MYO1E: variants seen among roughly 807,000 people sequenced by gnomAD.
MYO1E encodes unconventional myosin-Ie.
MYO1E carries 68 observed loss-of-function variants against 151.1 expected under a neutral mutation model. The observed-to-expected ratio is 0.45, with a 90% CI of 0.37 to 0.55. The LOEUF (loss-of-function observed/expected upper bound fraction) is 0.55. Among genes scored for constraint, MYO1E ranks in the 20% least tolerant of loss-of-function variants. MYO1E has a pLI of 0.00. For synonymous variants in MYO1E, 601 were observed against 501.7 expected, an observed-to-expected ratio of 1.20 and a Z score of -2.64; for missense variants, 1,363 against 1,389.3, an observed-to-expected ratio of 0.98 and a Z score of 0.30.
intron 13 of MYO1E, 25 bp from the exon 14 acceptor site, chr15:59,208,873 C>T (rs757714692): frequency 2.5e-6 from 4 of 1,613,642 alleles, no homozygotes; most frequent in Non-Finnish European, 3.4e-6. Context: ...AAGGCAAGGC[C>T]CTAGTCACTG....
chr15:59,232,887 G>T (rs1268090859), intron 5 of MYO1E, among the ~76,000 whole-genome samples: 11 of 152,124 alleles, frequency 7.2e-5, no homozygotes, highest in Non-Finnish European at 1.5e-4. Flanking sequence ...ATTCAGAAGA[G>T]AAACTGCCAT....
intron 4 of MYO1E, among the ~76,000 whole-genome samples, chr15:59,242,365 G>A (rs1002361178): frequency 3.3e-5 from 5 of 152,172 alleles, no homozygotes; most frequent in Non-Finnish European, 5.9e-5. Context: ...AGTGACTGGT[G>A]TGGACGTGTC....
At chr15:59,273,161 C>T (rs957306617) in intron 1 of MYO1E, among the ~76,000 whole-genome samples, 1 of 152,216 alleles carries the variant, frequency 6.6e-6, no homozygotes. Flanking sequence ...GCCTCATCCC[C>T]GCATGGCCCC....
At chr15:59,282,446 C>A (rs1005824110) in intron 1 of MYO1E, among the ~76,000 whole-genome samples, 1 of 152,072 alleles carries the variant, frequency 6.6e-6, no homozygotes, top group Non-Finnish European at 1.5e-5. Flanking sequence ...TTCTTTCTCT[C>A]TCAGGAAGTG....
At chr15:59,216,687 C>CACAA in intron 10 of MYO1E, among the ~76,000 whole-genome samples, 1 of 13,444 alleles carries the variant, frequency 7.4e-5, no homozygotes, top group East Asian at 1.3e-3. Flanking sequence ...TATATATATA[C>CACAA]ACATACACAC....
At chr15:59,142,448 C>G (rs1309338609) in intron 26 of MYO1E, among the ~76,000 whole-genome samples, 2 of 152,202 alleles carry the variant, frequency 1.3e-5, no homozygotes, top group African/African-American at 4.8e-5. Flanking sequence ...CCTCCCTGCC[C>G]TGGGCATCAC....
Position 59,277,564 on chromosome 15 carries a change from A to ACAAAAAAAAAAAC in MYO1E, c.4-5116_4-5115insGTTTTTTTTTTTG, listed in dbSNP as rs71119452. Among the ~76,000 whole-genome samples, 808 of 139,754 alleles carry ACAAAAAAAAAAAC rather than the reference A, an allele frequency of 5.8e-3. 7 individuals carry two copies. Among genetic ancestry groups the ACAAAAAAAAAAAC allele is most frequent in the Non-Finnish European group, 9.3e-3 (604 of 65,240 alleles). The allele number at this position is 139,754 out of a possible 152,430, so 91.7% of individuals were successfully genotyped here. A position where few individuals can be genotyped will look rare whatever the true frequency, so the allele number is the denominator to read the frequency against. On this transcript the variant is annotated intron_variant, in intron 1 of 27. Transcript: ENST00000288235. The stretch of plus-strand genomic sequence containing the variant: ...ATCCCCCCACAAAAAAAAAAAAAAA[A>ACAAAAAAAAAAAC]AAAAAAAAACATCAAAGCCTCATCC...
chr15:59,281,825 G>A (rs767630184), intron 1 of MYO1E, among the ~76,000 whole-genome samples: 8 of 151,952 alleles, frequency 5.3e-5, no homozygotes, highest in Non-Finnish European at 8.8e-5. Context: ...TAAGCCGGTC[G>A]CGGTGGCTCA....
At chr15:59,193,028 C>T (rs966071466) in intron 17 of MYO1E, among the ~76,000 whole-genome samples, 1 of 115,682 alleles carries the variant, frequency 8.6e-6, no homozygotes, top group Non-Finnish European at 1.7e-5. Flanking sequence ...TGAAGAGTCT[C>T]GCTCTAACAA....
At chr15:59,289,365 A>T (rs1218351720) in intron 1 of MYO1E, among the ~76,000 whole-genome samples, 2 of 152,252 alleles carry the variant, frequency 1.3e-5, no homozygotes, top group African/African-American at 2.4e-5. Context: ...ACCCTCTGGC[A>T]ATCAAACTGC....
chr15:59,143,685 G>A (rs146042262), intron 26 of MYO1E, among the ~76,000 whole-genome samples: 20 of 152,290 alleles, frequency 1.3e-4, no homozygotes, highest in Non-Finnish European at 2.4e-4. Flanking sequence ...CGACACTCCT[G>A]TGAGATGACT....
intron 1 of MYO1E, among the ~76,000 whole-genome samples, chr15:59,363,572 T>G (rs1017225007): frequency 6.6e-6 from 1 of 152,214 alleles, no homozygotes; most frequent in Non-Finnish European, 1.5e-5. Context: ...TCAAAGAGCA[T>G]GGACTTAGCA....
At position 59,186,196 on chromosome 15, in the gene MYO1E, A is replaced by G. The variant is rs532810083; in HGVS notation, c.1904+1922T>C. 3.3e-5 allele frequency among the ~76,000 whole-genome samples: 5 copies of G among 152,326 alleles called. No homozygotes were observed. In the South Asian group the frequency reaches 6.2e-4, roughly 19 times the overall value. On this transcript the variant is annotated intron_variant, in intron 18 of 27. Coordinates refer to ENST00000288235, the MANE Select transcript of MYO1E (RefSeq NM_004998.4). ...CCTAGTCTAACTCACCTCCACGGTTATTAGGAAACTCAAATGTGGGGGACT... is the reference window on the plus strand; with the variant it reads ...CCTAGTCTAACTCACCTCCACGGTTGTTAGGAAACTCAAATGTGGGGGACT...
intron 9 of MYO1E, among the ~76,000 whole-genome samples, chr15:59,222,379 A>C (rs2079961390): frequency 6.6e-6 from 1 of 151,998 alleles, no homozygotes; most frequent in Non-Finnish European, 1.5e-5. Context: ...GTGCCGCTGT[A>C]TTTATGGTAG....
intron 17 of MYO1E, among the ~76,000 whole-genome samples, chr15:59,191,540 G>C (rs988583712): frequency 6.6e-6 from 1 of 151,944 alleles, no homozygotes; most frequent in Non-Finnish European, 1.5e-5. Context: ...ATAAACACTG[G>C]CTTCACGCCA....
chr15:59,152,801 G>C (rs1354307103), intron 26 of MYO1E, among the ~76,000 whole-genome samples: 1 of 152,108 alleles, frequency 6.6e-6, no homozygotes, highest in South Asian at 2.1e-4. Context: ...ACACTACTCT[G>C]AACACTCCTG....
chr15:59,181,648 T>G (rs1312962593), intron 18 of MYO1E, among the ~76,000 whole-genome samples: 2 of 152,226 alleles, frequency 1.3e-5, no homozygotes, highest in Non-Finnish European at 2.9e-5. Flanking sequence ...TATAAAGGAT[T>G]TTCCAGAGAG....
chr15:59,208,257 G>T, intron 14 of MYO1E: 1 of 628,648 alleles, frequency 1.6e-6, no homozygotes, highest in Non-Finnish European at 2.7e-6. Context: ...CCACGTGCTG[G>T]ACGATACTTA....
intron 16 of MYO1E, among the ~76,000 whole-genome samples, chr15:59,198,476 C>T (rs993810348): frequency 7.9e-5 from 12 of 152,072 alleles, no homozygotes; most frequent in Admixed American, 3.9e-4. Flanking sequence ...GTAGGTTGAA[C>T]TAGAAGACCT....
Sources: gnomAD v4.1 joint callset for allele counts (sites outside exome capture counted in the v4.1 genomes callset) on GRCh38, gnomAD v4.1.1 for gene constraint, MANE v1.5 for transcripts, NCBI Gene and HGNC (gene_info 2026-07-23, HGNC 2026-07-21) for gene names.